GUCY1A2: variants seen among roughly 807,000 people sequenced by gnomAD.
GUCY1A2 encodes the protein guanylate cyclase 1 soluble subunit alpha 2, also known as guanylate cyclase soluble subunit alpha-2.
GUCY1A2 carries 27 observed loss-of-function variants against 63.5 expected under a neutral mutation model. The ratio of observed to expected loss-of-function variants is 0.43; its 90% CI spans 0.31 to 0.59. The LOEUF is 0.59. Among genes scored for constraint, GUCY1A2 ranks in the 20% least tolerant of loss-of-function variants. The pLI is 0.11. For missense variants in GUCY1A2, 768 were observed against 913.3 expected, an observed-to-expected ratio of 0.84 and a Z score of 2.05; for synonymous variants, 364 against 343.5, an observed-to-expected ratio of 1.06 and a Z score of -0.66.
intron 6 of GUCY1A2, among the ~76,000 whole-genome samples, chr11:106,715,016 T>G (rs1220261329): frequency 6.6e-6 from 1 of 152,208 alleles, no homozygotes; most frequent in African/African-American, 2.4e-5. Context: ...CCTAGGGATT[T>G]ATTGAAAAAC....
In GUCY1A2 at chr11:106,725,438, C is replaced by T. The variant is rs561177206; in HGVS notation, c.1837-16772G>A. Among the ~76,000 whole-genome samples, 8 of 47,214 alleles carry T rather than the reference C, an allele frequency of 1.7e-4. 3 individuals carry two copies. The highest frequency in any genetic ancestry group is 2.0e-4 in the Non-Finnish European group (4 of 19,848). The allele number at this position is 47,214 out of a possible 152,430, so 31.0% of individuals were successfully genotyped here. A position where few individuals can be genotyped will look rare whatever the true frequency, so the allele number is the denominator to read the frequency against. On this transcript the variant is annotated intron_variant, in intron 6 of 7. Transcript: ENST00000526355. ...CCGCCCGCCTCGGCCTCCCAAAGTG[C>T]GACATAAATTCTTATTGGCTAAAAT...
intron 2 of GUCY1A2, among the ~76,000 whole-genome samples, chr11:106,984,716 ATT>A (rs1861379913): frequency 6.6e-6 from 1 of 152,220 alleles, no homozygotes; most frequent in Non-Finnish European, 1.5e-5. Context: ...ACGAGGAACT[ATT>A]TTAAGTATAC....
intron 4 of GUCY1A2, among the ~76,000 whole-genome samples, chr11:106,871,675 T>A (rs1169758476): frequency 6.6e-6 from 1 of 152,158 alleles, no homozygotes; most frequent in African/African-American, 2.4e-5. Flanking sequence ...AAAGTCACAT[T>A]CACATGGAAA....
chr11:106,917,571 A>G (rs1317623599), intron 4 of GUCY1A2, among the ~76,000 whole-genome samples: 1 of 144,726 alleles, frequency 6.9e-6, no homozygotes, highest in Non-Finnish European at 1.6e-5. Context: ...AGACTGGATT[A>G]AGAAAATGTG....
At chr11:107,001,511 G>C (rs1861611999) in intron 1 of GUCY1A2, among the ~76,000 whole-genome samples, 1 of 151,534 alleles carries the variant, frequency 6.6e-6, no homozygotes. Context: ...ATGCATAGGG[G>C]GCATACAGTA....
chr11:106,691,749 G>C (rs572198889), intron 7 of GUCY1A2, among the ~76,000 whole-genome samples: 1 of 152,254 alleles, frequency 6.6e-6, no homozygotes, highest in African/African-American at 2.4e-5. Context: ...AATGGTATTT[G>C]CTTTTCCCAG....
intron 4 of GUCY1A2, chr11:106,827,180 A>AATCTGG: frequency 6.6e-7 from 1 of 1,504,384 alleles, no homozygotes; most frequent in Non-Finnish European, 9.3e-7. Flanking sequence ...CCTTCATGCC[A>AATCTGG]ATCTGGTCCC....
chr11:106,927,621 G>A (rs1860544407), intron 4 of GUCY1A2, among the ~76,000 whole-genome samples: 2 of 151,386 alleles, frequency 1.3e-5, no homozygotes, highest in Admixed American at 1.3e-4. Context: ...CTGGAGTGCA[G>A]TGGTGCCATC....
At chr11:106,998,392 T>C (rs993983896) in intron 1 of GUCY1A2, among the ~76,000 whole-genome samples, 5 of 152,232 alleles carry the variant, frequency 3.3e-5, no homozygotes, top group Non-Finnish European at 5.9e-5. Context: ...TCTTCCTAGA[T>C]ATTACATCAG....
chr11:106,828,534 T>C (rs942788292), intron 4 of GUCY1A2, among the ~76,000 whole-genome samples: 1 of 152,194 alleles, frequency 6.6e-6, no homozygotes, highest in Admixed American at 6.5e-5. Flanking sequence ...TTCAGAATTT[T>C]TTTATTTTAA....
chr11:106,977,957 C>CA lies in GUCY1A2; in HGVS notation c.487+661dup, dbSNP rs529223288. The stretch of plus-strand genomic sequence containing the variant: ...CTTTTAGAATACATTGCATGGAATA[C>CA]AATGTAGCTCTCACACACCAAGAAC... On this transcript the variant is annotated intron_variant, in intron 3 of 7. Coordinates refer to ENST00000526355, the MANE Select transcript of GUCY1A2 (RefSeq NM_000855.3). Among the ~76,000 whole-genome samples, 28 of 152,190 alleles carry CA rather than the reference C, an allele frequency of 1.8e-4. No individual in the cohort carries two copies. The South Asian group carries it at 3.7e-3, about 20-fold the overall frequency.
chr11:106,870,817 G>T (rs1273855782), intron 4 of GUCY1A2, among the ~76,000 whole-genome samples: 1 of 151,944 alleles, frequency 6.6e-6, no homozygotes, highest in Non-Finnish European at 1.5e-5. Flanking sequence ...TTAATTAATT[G>T]ATGTATGTGG....
intron 4 of GUCY1A2, chr11:106,826,965 G>A (rs1459098081): frequency 5.0e-6 from 8 of 1,610,536 alleles, no homozygotes; most frequent in Admixed American, 3.3e-5. Context: ...CAATGAAATC[G>A]CAGCCATATA....
chr11:106,912,242 A>C (rs1019865599), intron 4 of GUCY1A2, among the ~76,000 whole-genome samples: 1 of 151,970 alleles, frequency 6.6e-6, no homozygotes, highest in Non-Finnish European at 1.5e-5. Context: ...TCCATCCTCA[A>C]AAATATAAGA....
At chr11:106,755,708 G>C (rs1863961066) in intron 6 of GUCY1A2, among the ~76,000 whole-genome samples, 1 of 152,210 alleles carries the variant, frequency 6.6e-6, no homozygotes, top group Non-Finnish European at 1.5e-5. Flanking sequence ...TGTGGTTTGA[G>C]AGACAGTTTG....
At chr11:106,853,768 G>T (rs1389433234) in intron 4 of GUCY1A2, among the ~76,000 whole-genome samples, 4 of 152,080 alleles carry the variant, frequency 2.6e-5, no homozygotes, top group African/African-American at 9.7e-5. Context: ...ATAGTCACTT[G>T]TTCCAATTTT....
chr11:106,935,317 A>C (rs1860660983), intron 4 of GUCY1A2, among the ~76,000 whole-genome samples: 1 of 152,208 alleles, frequency 6.6e-6, no homozygotes, highest in Admixed American at 6.5e-5. Context: ...TAGAAGTAAT[A>C]ATGAACATTT....
chr11:106,709,490 A>T (rs1465516161), intron 6 of GUCY1A2, among the ~76,000 whole-genome samples: 1 of 65,040 alleles, frequency 1.5e-5, no homozygotes, highest in African/African-American at 8.9e-5. Flanking sequence ...ATATATTTAT[A>T]TATATATAAT....
chr11:106,903,091 A>G (rs976937930), intron 4 of GUCY1A2, among the ~76,000 whole-genome samples: 1 of 152,078 alleles, frequency 6.6e-6, no homozygotes, highest in Non-Finnish European at 1.5e-5. Context: ...TATTCTTTAG[A>G]ATGTAAACTT....
Sources: allele counts gnomAD v4.1 joint callset (sites outside exome capture counted in the v4.1 genomes callset), GRCh38; gene constraint gnomAD v4.1.1; transcripts MANE v1.5; gene names NCBI Gene and HGNC (gene_info 2026-07-23, HGNC 2026-07-21).